Variants in TNN observed in about 807,000 individuals in gnomAD.
The protein encoded by TNN is tenascin N, also known as tenascin-N.
In TNN, 122 loss-of-function variants were observed where a neutral mutation model predicts 134.4. That is an observed-to-expected ratio of 0.91 (90% CI 0.78 to 1.06). The LOEUF (loss-of-function observed/expected upper bound fraction) is 1.06, where lower values mean the gene tolerates loss of function less well. Among genes scored for constraint, TNN ranks in the 50% least tolerant of loss-of-function variants. TNN has a pLI of 0.00. For missense variants in TNN, 1,739 were observed against 1,699.4 expected (o/e 1.02, Z -0.41); for synonymous variants, 710 against 670.3 (o/e 1.06, Z -0.91).
Position 175,080,269 on chromosome 1 carries a change from C to A in TNN, c.891C>A (p.Pro297=), listed in dbSNP as rs61742080. 0.031 allele frequency: 49,811 copies of A among 1,614,036 alleles called. 1,592 individuals carry two copies. Among genetic ancestry groups the A allele is most frequent in the African/African-American group, 0.17 (12,585 of 74,948 alleles). The change falls in exon 4 of 19, where the codon CCC becomes CCA. Residue 297 remains proline (P), a synonymous_variant. Transcript: ENST00000239462. ...QVDHYLLSYY[P]LGKELSGKQI... The stretch of plus-strand genomic sequence containing the variant: ...ATCACTACCTCCTCAGCTACTACCC[C>A]CTGGGGAAGGAGCTCTCTGGGAAGC...
At chr1:175,074,107 A>G (rs12737207) in intron 1 of TNN, among the ~76,000 whole-genome samples, 87,590 of 151,920 alleles carry the variant, frequency 0.58, 26,560 homozygotes, top group African/African-American at 0.79. Flanking sequence ...ATCAGGCACC[A>G]GTCTCTTTGC....
Position 175,098,421 on chromosome 1 carries a change from A to T in TNN, c.1945A>T (p.Lys649Ter). 1 of 1,614,134 alleles carries T rather than the reference A, an allele frequency of 6.2e-7. No homozygotes were observed. The highest frequency in any genetic ancestry group is 8.5e-7 in the Non-Finnish European group (1 of 1,180,026). The part of the protein sequence containing the change: ...SWDPVQAAID[K>*]YVVRYTSAGG... ...GGACCCGGTGCAGGCCGCCATTGAC[A>T]AGTACGTGGTGCGCTACACCTCTGC... The change falls in exon 9 of 19, where the codon AAG (lysine) becomes TAG (stop). Residue 649 changes from lysine (K) to a stop codon, truncating the protein, a stop_gained. Coordinates refer to ENST00000239462, the MANE Select transcript of TNN (RefSeq NM_022093.2). LOFTEE classifies it high-confidence loss of function.
intron 13 of TNN, among the ~76,000 whole-genome samples, chr1:175,127,682 G>A (rs770074389): frequency 2.0e-5 from 3 of 152,148 alleles, no homozygotes; most frequent in Non-Finnish European, 2.9e-5. Flanking sequence ...TCCTTAGCGC[G>A]GCATTGCCAG....
At chr1:175,143,029 T>C (rs1675975249) in intron 17 of TNN, among the ~76,000 whole-genome samples, 5 of 152,116 alleles carry the variant, frequency 3.3e-5, no homozygotes, top group Admixed American at 2.6e-4. Flanking sequence ...AAGCCCCCCA[T>C]TGAAACAAGG....
At chr1:175,146,861 G>C in intron 18 of TNN, 70 bp from the exon 19 acceptor site, 1 of 1,387,654 alleles carries the variant, frequency 7.2e-7, no homozygotes. Flanking sequence ...TAATTCCTTT[G>C]TACCATAACC....
At chr1:175,102,437 T>C (rs1406958611) in intron 9 of TNN, among the ~76,000 whole-genome samples, 1 of 145,668 alleles carries the variant, frequency 6.9e-6, no homozygotes, top group Non-Finnish European at 1.5e-5. Context: ...AGGTCCCGAG[T>C]CCTGCCCGGC....
At chr1:175,108,236 T>C (rs1210374266) in intron 9 of TNN, among the ~76,000 whole-genome samples, 2 of 151,878 alleles carry the variant, frequency 1.3e-5, no homozygotes. Flanking sequence ...ACATAAAGGT[T>C]CTCCAAGGCC....
At position 175,067,834 on chromosome 1, in the gene TNN, AGAC is replaced by A. The variant is rs751523011; in HGVS notation, c.-134_-132del. The A allele has an allele frequency of 1.6e-5, 8 of 488,208 alleles. No homozygotes were observed. The highest frequency in any genetic ancestry group is 4.3e-5 in the Admixed American group (2 of 46,518). 30.2% of individuals were successfully genotyped at this position (488,208 alleles called of 1,614,324 possible). ...AAACCCAGGAAGGGAAGCCAAGGAG[AGAC>A]GAGAACCAGGGACGACCAGCAAGTA... On this transcript the variant is annotated 5_prime_UTR_variant, in exon 1 of 19. Transcript: ENST00000239462.
chr1:175,085,477 T>G lies in TNN; in HGVS notation c.1307T>G (p.Leu436Arg). ...MRGELEGKPI[L>R]LNGRTEIDSP... ...GGAGAGCTGGAGGGCAAGCCGATCC[T>G]CCTGAATGGCAGGACAGGTGAGAGC... Residue 436 changes from leucine (L) to arginine (R), a missense_variant, in exon 6 of 19, where the codon CTC (leucine) becomes CGC (arginine). Transcript: ENST00000239462. 6.2e-7 allele frequency: 1 copy of G among 1,612,078 alleles called. No individual in the cohort carries two copies. Among genetic ancestry groups the G allele is most frequent in the South Asian group, 1.1e-5 (1 of 90,748 alleles).
intron 18 of TNN, among the ~76,000 whole-genome samples, chr1:175,146,217 C>G (rs1464598989): frequency 6.6e-6 from 1 of 152,172 alleles, no homozygotes; most frequent in African/African-American, 2.4e-5. Context: ...ATATTGGAAA[C>G]GAGCAGCCAG....
intron 1 of TNN, among the ~76,000 whole-genome samples, chr1:175,070,103 G>T (rs1432419345): frequency 6.6e-6 from 1 of 152,112 alleles, no homozygotes; most frequent in East Asian, 1.9e-4. Context: ...TCTTGTTATT[G>T]TGCATGAGCT....
intron 12 of TNN, among the ~76,000 whole-genome samples, chr1:175,124,075 G>A (rs1410514492): frequency 6.6e-6 from 1 of 152,166 alleles, no homozygotes; most frequent in African/African-American, 2.4e-5. Flanking sequence ...TGCCTGAATT[G>A]CATGTATTTT....
Position 175,123,576 on chromosome 1 carries a change from C to T in TNN, c.2827C>T (p.Leu943=). 1 of 1,614,038 alleles carries T rather than the reference C, an allele frequency of 6.2e-7. No individual in the cohort carries two copies. ...KEHSSTVLTG[L]RPGMEYMVHV... ...GCACAGCAGCACTGTCCTGACGGGC[C>T]TGAGACCAGGCATGGAGTACATGGT... The change falls in exon 12 of 19, where the codon CTG becomes TTG. Residue 943 remains leucine, a synonymous_variant. Transcript: ENST00000239462.
chr1:175,133,251 A>G (rs1214423558), intron 15 of TNN, among the ~76,000 whole-genome samples: 1 of 152,190 alleles, frequency 6.6e-6, no homozygotes, highest in African/African-American at 2.4e-5. Flanking sequence ...TGTGACTGGA[A>G]CTGCCTTCCT....
chr1:175,147,152 T>G lies in TNN; in HGVS notation c.*81T>G. The G allele has an allele frequency of 7.5e-7, 1 of 1,331,098 alleles. No homozygotes were observed. The highest frequency in any genetic ancestry group is 2.9e-5 in the Admixed American group (1 of 33,930). The allele number at this position is 1,331,098 out of a possible 1,614,324, so 82.5% of individuals were successfully genotyped here. A position where few individuals can be genotyped will look rare whatever the true frequency, so the allele number is the denominator to read the frequency against. ...GGGGTGGGTAGTGGTCACTGCGGTC[T>G]GGGAGTGCTCAGATAGCCCGCAGAA... On this transcript the variant is annotated 3_prime_UTR_variant, in exon 19 of 19. Transcript: ENST00000239462.
chr1:175,095,135 A>G (rs182587251), intron 7 of TNN, among the ~76,000 whole-genome samples: 8 of 152,302 alleles, frequency 5.3e-5, no homozygotes, highest in African/African-American at 1.2e-4. Flanking sequence ...GTTAATCAGT[A>G]TTTGGCTCTT....
At position 175,090,502 on chromosome 1, in the gene TNN, G is replaced by A. The variant is rs116477053; in HGVS notation, c.1325-3488G>A. The stretch of plus-strand genomic sequence containing the variant: ...TTCTCATAGATTTTTCATCCCGTCA[G>A]TGCCATCTTCTACTGCACCAACTGG... On this transcript the variant is annotated intron_variant, in intron 6 of 18. Coordinates refer to ENST00000239462, the MANE Select transcript of TNN (RefSeq NM_022093.2). 2.2e-3 allele frequency among the ~76,000 whole-genome samples: 340 copies of A among 152,170 alleles called. 3 individuals carry two copies. Among genetic ancestry groups the A allele is most frequent in the African/African-American group, 8.0e-3 (330 of 41,490 alleles).
intron 7 of TNN, 54 bp from the exon 8 acceptor site, chr1:175,097,363 T>C: frequency 1.2e-6 from 2 of 1,603,374 alleles, no homozygotes; most frequent in African/African-American, 1.3e-5. Flanking sequence ...GTGCTGTCTT[T>C]ATGGAATTAG....
At chr1:175,081,890 A>C (rs1276080872) in intron 4 of TNN, among the ~76,000 whole-genome samples, 1 of 152,172 alleles carries the variant, frequency 6.6e-6, no homozygotes, top group Non-Finnish European at 1.5e-5. Context: ...GAGAGGCTGA[A>C]GTTGGTGATT....
Sources: allele counts gnomAD v4.1 joint callset (sites outside exome capture counted in the v4.1 genomes callset), GRCh38; gene constraint gnomAD v4.1.1; transcripts MANE v1.5; gene names NCBI Gene and HGNC (gene_info 2026-07-23, HGNC 2026-07-21).